Variants in RASGRP4 observed in about 807,000 individuals in gnomAD.
RASGRP4 encodes RAS guanyl-releasing protein 4.
RASGRP4 carries 52 observed loss-of-function variants against 84.4 expected under a neutral mutation model. That is an observed-to-expected ratio of 0.62 (90% confidence interval 0.49 to 0.78). RASGRP4 has a LOEUF of 0.78. Ranked by LOEUF, RASGRP4 falls within the 30% of genes least tolerant of loss-of-function variation. RASGRP4 has a pLI of 0.00. For synonymous variants in RASGRP4, 356 were observed against 359.1 expected (o/e 0.99, Z 0.10); for missense variants, 760 against 886.9 (o/e 0.86, Z 1.82).
In RASGRP4 at chr19:38,410,114, G is replaced by T; in HGVS notation, c.1966-18C>A. On this transcript the variant is annotated intron_variant, in intron 16 of 16. Transcript: ENST00000615439. ...CAGGGGACCTGGAAGGAGGAAGGGA[G>T]GAAGAAAGATGACAGATGATGTGGG... 6.2e-7 allele frequency: 1 copy of T among 1,606,006 alleles called. No individual in the cohort carries two copies. Among genetic ancestry groups the T allele is most frequent in the Non-Finnish European group, 8.5e-7 (1 of 1,174,546 alleles).
chr19:38,416,613 C>A (rs979257709), intron 8 of RASGRP4, among the ~76,000 whole-genome samples: 9 of 152,112 alleles, frequency 5.9e-5, no homozygotes, highest in Admixed American at 3.3e-4. Context: ...CTGTACCCAG[C>A]CTATAATTAT....
In RASGRP4 at chr19:38,418,590, G is replaced by C. The variant is rs1971608354; in HGVS notation, c.664-26C>G. 1 of 1,485,136 alleles carries C rather than the reference G, an allele frequency of 6.7e-7. No homozygotes were observed. The highest frequency in any genetic ancestry group is 9.0e-7 in the Non-Finnish European group (1 of 1,115,648). The allele number at this position is 1,485,136 out of a possible 1,614,324, so 92.0% of individuals were successfully genotyped here. On this transcript the variant is annotated intron_variant, in intron 6 of 16. Coordinates refer to ENST00000615439, the MANE Select transcript of RASGRP4 (RefSeq NM_170604.3). The surrounding 1 kb of genome is among the most constrained non-coding windows in gnomAD (Gnocchi z 4.6). ...CTGGGAGCGAGGTGGGTGTCAAGGT[G>C]GGCCGTGGCGCTCAGGCCCTGCCCT... is the stretch of plus-strand genomic sequence containing the variant.
chr19:38,414,996 A>C lies in RASGRP4; in HGVS notation c.1082T>G (p.Leu361Arg), dbSNP rs754932964. 1.2e-6 allele frequency: 2 copies of C among 1,612,904 alleles called. No homozygotes were observed. Among genetic ancestry groups the C allele is most frequent in the Non-Finnish European group, 1.7e-6 (2 of 1,179,592 alleles). ...CAACCTGTCGGGCTGTGCCTCATGC[A>C]GGGACACCAGGTCCTTGAGGTGCAC... ...LGVHLKDLVS[L>R]HEAQPDRLPD... The change falls in exon 9 of 17, where the codon CTG (leucine) becomes CGG (arginine). Residue 361 changes from leucine (L) to arginine (R), a missense_variant. Leu to Arg is a moderately radical substitution (Grantham distance 102). Coordinates refer to ENST00000615439, the MANE Select transcript of RASGRP4 (RefSeq NM_170604.3).
chr19:38,418,297 C>G lies in RASGRP4; in HGVS notation c.837+94G>C. On this transcript the variant is annotated intron_variant, in intron 7 of 16. Coordinates refer to ENST00000615439, the MANE Select transcript of RASGRP4 (RefSeq NM_170604.3). The surrounding 1 kb of genome is among the most constrained non-coding windows in gnomAD (Gnocchi z 4.6). ...GGGGCCGGGAGATGCGTGACGTCAC[C>G]GCCGGGATGACCCTGTGGGGTCGAG... is the stretch of plus-strand genomic sequence containing the variant. 2 of 1,343,796 alleles carry G rather than the reference C, an allele frequency of 1.5e-6. No individual in the cohort carries two copies. Among genetic ancestry groups the G allele is most frequent in the South Asian group, 1.3e-5 (1 of 75,688 alleles). 83.2% of individuals were successfully genotyped at this position (1,343,796 alleles called of 1,614,324 possible). A position where few individuals can be genotyped will look rare whatever the true frequency, so the allele number is the denominator to read the frequency against.
rs1320686616 is a variant in RASGRP4, at chr19:38,422,170, CA to C, written c.24-18del. The stretch of plus-strand genomic sequence containing the variant: ...TGGGACTTCCTGTGGGCACAGCCCC[CA>C]AGGAGTCATGGGAGCACCTTCTTTC... On this transcript the variant is annotated intron_variant, in intron 1 of 16. Coordinates refer to ENST00000615439, the MANE Select transcript of RASGRP4 (RefSeq NM_170604.3). 1 of 1,596,972 alleles carries C rather than the reference CA, an allele frequency of 6.3e-7. No homozygotes were observed. Among genetic ancestry groups the C allele is most frequent in the South Asian group, 1.1e-5 (1 of 89,846 alleles).
At chr19:38,421,441 G>GAC (rs1568415044) in intron 2 of RASGRP4, among the ~76,000 whole-genome samples, 1 of 152,202 alleles carries the variant, frequency 6.6e-6, no homozygotes, top group African/African-American at 2.4e-5. Context: ...GCCGGGCACA[G>GAC]TGGCTCACAC....
chr19:38,412,849 G>C lies in RASGRP4; in HGVS notation c.1536-33C>G. On this transcript the variant is annotated intron_variant, in intron 12 of 16. Transcript: ENST00000615439. This position sits in a 1 kb window ranked among gnomAD's most constrained non-coding sequence, Gnocchi z 4.6. The stretch of plus-strand genomic sequence containing the variant: ...CAGAAACTGAGCCTCAGCATGACCT[G>C]CCCCAACGTCCTCCAGACCCAGGAG... The C allele has an allele frequency of 6.2e-7, 1 of 1,611,528 alleles. No homozygotes were observed. Among genetic ancestry groups the C allele is most frequent in the South Asian group, 1.1e-5 (1 of 90,892 alleles).
At position 38,418,383 on chromosome 19, in the gene RASGRP4, G is replaced by T; in HGVS notation, c.837+8C>A. ...GTGGAGTTCGCAGCCCCAAGGGGCGGGCCTCACCTGTGCCACGTGAATGAA... is the reference window on the plus strand; with the variant it reads ...GTGGAGTTCGCAGCCCCAAGGGGCGTGCCTCACCTGTGCCACGTGAATGAA... On this transcript the variant is annotated splice_region_variant and intron_variant, in intron 7 of 16. Transcript: ENST00000615439. The surrounding 1 kb of genome is among the most constrained non-coding windows in gnomAD (Gnocchi z 4.6). The T allele has an allele frequency of 6.2e-7, 1 of 1,601,664 alleles. No homozygotes were observed. The highest frequency in any genetic ancestry group is 2.3e-5 in the East Asian group (1 of 44,392).
rs779904761 is a variant in RASGRP4, at chr19:38,410,873, G to A, written c.1965+13C>T. ...CCTGTATCCACTTGGGGGTAGGGGC[G>A]GTTTCTCCTCACCGTATCTGTTTCC... On this transcript the variant is annotated intron_variant, in intron 16 of 16. Transcript: ENST00000615439. The A allele has an allele frequency of 1.1e-4, 172 of 1,564,432 alleles. No homozygotes were observed. The highest frequency in any genetic ancestry group is 5.0e-4 in the Middle Eastern group (3 of 6,018).
Position 38,415,070 on chromosome 19 carries a change from G to A in RASGRP4, c.1008C>T (p.Tyr336=), listed in dbSNP as rs1971441327. 1 of 1,602,060 alleles carries A rather than the reference G, an allele frequency of 6.2e-7. No homozygotes were observed. The change falls in exon 9 of 17, where the codon TAC becomes TAT. Residue 336 remains tyrosine, a synonymous_variant. Transcript: ENST00000615439. ...CCGCGCAGCCAGCCCAGGTGCGGCG[G>A]TAGCGGGCGTAGTTGTTGTGGGAGG... The part of the protein sequence containing the change: ...LLASHNNYAR[Y]RRTWAGCAGF...
At chr19:38,414,765 G>A in intron 9 of RASGRP4, 83 bp downstream of exon 9, 1 of 1,376,732 alleles carries the variant, frequency 7.3e-7, no homozygotes, top group Admixed American at 2.6e-5. Context: ...TTTCTATCCT[G>A]GTCCTGGAGA....
chr19:38,422,851 C>T (rs2145240953), intron 1 of RASGRP4, among the ~76,000 whole-genome samples: 1 of 152,074 alleles, frequency 6.6e-6, no homozygotes, highest in South Asian at 2.1e-4. Flanking sequence ...CCACACCATC[C>T]CCACCCCCTT....
intron 9 of RASGRP4, among the ~76,000 whole-genome samples, chr19:38,414,581 G>A (rs1211928260): frequency 1.3e-5 from 2 of 151,344 alleles, no homozygotes; most frequent in Middle Eastern, 3.6e-3. Context: ...CCACCTCAGC[G>A]TCCCAAAGTG....
chr19:38,413,412 C>G lies in RASGRP4; in HGVS notation c.1293G>C (p.Pro431=). 6.2e-7 allele frequency: 1 copy of G among 1,608,242 alleles called. No individual in the cohort carries two copies. Among genetic ancestry groups the G allele is most frequent in the South Asian group, 1.1e-5 (1 of 90,030 alleles). Residue 431 remains proline, a synonymous_variant, in exon 10 of 17, where the codon CCG becomes CCC. Transcript: ENST00000615439. The surrounding 1 kb of genome is among the most constrained non-coding windows in gnomAD (Gnocchi z 4.7). ...EIYELSYARE[P]RCPKSLPPSP... ...GTCTCACCAGGCTCTTGGGACAACG[C>G]GGCTCCCGGGCATAAGAAAGCTCAT... is the stretch of plus-strand genomic sequence containing the variant.
chr19:38,414,577 C>T (rs71355002), intron 9 of RASGRP4, among the ~76,000 whole-genome samples: 1 of 152,198 alleles, frequency 6.6e-6, no homozygotes, highest in Admixed American at 6.5e-5. Flanking sequence ...CTGCCCACCT[C>T]AGCGTCCCAA....
At position 38,411,155 on chromosome 19, in the gene RASGRP4, T is replaced by C; in HGVS notation, c.1812A>G (p.Gly604=). 1 of 1,613,848 alleles carries C rather than the reference T, an allele frequency of 6.2e-7. No individual in the cohort carries two copies. Among genetic ancestry groups the C allele is most frequent in the Non-Finnish European group, 8.5e-7 (1 of 1,179,864 alleles). The part of the protein sequence containing the change: ...PGAKGDAGPP[G]APVPSTPAPH... ...GAGCTGGTGTGGATGGGACAGGAGCTCCGGGGGGTCCTGCATCGCCCTTGG... is the reference window on the plus strand; with the variant it reads ...GAGCTGGTGTGGATGGGACAGGAGCCCCGGGGGGTCCTGCATCGCCCTTGG... The change falls in exon 15 of 17, where the codon GGA becomes GGG. Residue 604 remains glycine, a synonymous_variant. Coordinates refer to ENST00000615439, the MANE Select transcript of RASGRP4 (RefSeq NM_170604.3).
chr19:38,420,051 C>G lies in RASGRP4; in HGVS notation c.510-38G>C, dbSNP rs745610081. 3.1e-6 allele frequency: 5 copies of G among 1,610,000 alleles called. No homozygotes were observed. The Admixed American group carries it at 8.4e-5, about 27-fold the overall frequency. ...AGGGGCAGGGTATTGGAGTGGCTCACAGTTGAGGGCTTGGGGATATAGAGG... is the reference window on the plus strand; with the variant it reads ...AGGGGCAGGGTATTGGAGTGGCTCAGAGTTGAGGGCTTGGGGATATAGAGG... On this transcript the variant is annotated intron_variant, in intron 5 of 16. Transcript: ENST00000615439.
intron 1 of RASGRP4, among the ~76,000 whole-genome samples, 168 bp from the exon 2 acceptor site, chr19:38,422,321 T>C (rs918455413): frequency 2.6e-5 from 4 of 152,182 alleles, no homozygotes; most frequent in Non-Finnish European, 4.4e-5. Flanking sequence ...CCCAGGAATA[T>C]TCCAGATCCC....
chr19:38,411,990 G>T (rs1971274849), intron 13 of RASGRP4, among the ~76,000 whole-genome samples: 1 of 152,174 alleles, frequency 6.6e-6, no homozygotes, highest in East Asian at 1.9e-4. Flanking sequence ...TCTTGAATTT[G>T]GAAGTTATTC....
Sources: gnomAD v4.1 joint callset for allele counts (sites outside exome capture counted in the v4.1 genomes callset) on GRCh38, gnomAD v4.1.1 for gene constraint, Gnocchi (gnomAD v3.1) non-coding constraint, MANE v1.5 for transcripts, NCBI Gene and HGNC (gene_info 2026-07-23, HGNC 2026-07-21) for gene names.